The following OXR1 variants were observed in gnomAD, a reference collection of about 807,000 sequenced individuals.
OXR1 encodes oxidation resistance 1, also known as oxidation resistance protein 1.
In OXR1, 41 loss-of-function variants were observed where a neutral mutation model predicts 104.6. The observed-to-expected ratio is 0.39, with a 90% CI of 0.31 to 0.51. The LOEUF is 0.51. OXR1 is among the 20% of genes least tolerant of loss of function. OXR1 has a pLI of 0.77. For synonymous variants in OXR1, 348 were observed against 348.4 expected, an observed-to-expected ratio of 1.00 and a Z score of 0.01; for missense variants, 955 against 1,031.9, an observed-to-expected ratio of 0.93 and a Z score of 1.02.
chr8:106,295,868 C>A (rs115983747), intron 1 of OXR1, among the ~76,000 whole-genome samples: 53 of 152,258 alleles, frequency 3.5e-4, no homozygotes, highest in African/African-American at 1.2e-3. Context: ...TTCTTTGTTG[C>A]ACATACCTCC....
chr8:106,576,476 A>G (rs1451522100), intron 3 of OXR1, among the ~76,000 whole-genome samples: 9 of 150,036 alleles, frequency 6.0e-5, no homozygotes, highest in Admixed American at 2.0e-4. Flanking sequence ...CAAAAAAAAA[A>G]AAAAAAAAAG....
chr8:106,657,826 G>T (rs866525979), intron 3 of OXR1: 1 of 1,235,326 alleles, frequency 8.1e-7, no homozygotes. Context: ...TCCCCGGGCA[G>T]AGAGAGGGAC....
At chr8:106,507,690 G>T (rs375403141) in intron 2 of OXR1, among the ~76,000 whole-genome samples, 1 of 152,198 alleles carries the variant, frequency 6.6e-6, no homozygotes, top group Non-Finnish European at 1.5e-5. Flanking sequence ...AAGTGTTTGC[G>T]CTGGGTGAAT....
chr8:106,500,386 G>A (rs188343557), intron 2 of OXR1, among the ~76,000 whole-genome samples: 8 of 152,280 alleles, frequency 5.3e-5, no homozygotes, highest in East Asian at 1.9e-4. Context: ...TCCAGACATC[G>A]TATAGAAGAA....
chr8:106,577,367 T>G (rs1329032629), intron 3 of OXR1, among the ~76,000 whole-genome samples: 1 of 138,666 alleles, frequency 7.2e-6, no homozygotes, highest in African/African-American at 2.7e-5. Flanking sequence ...CCCGCCACTA[T>G]GCCCAGCTAA....
chr8:106,587,186 G>A (rs1172676704), intron 3 of OXR1, among the ~76,000 whole-genome samples: 3 of 152,158 alleles, frequency 2.0e-5, no homozygotes, highest in Admixed American at 2.0e-4. Flanking sequence ...TTAGCTTAAA[G>A]TAGAAGCATC....
intron 2 of OXR1, among the ~76,000 whole-genome samples, chr8:106,510,253 A>C (rs1812436348): frequency 6.6e-6 from 1 of 152,140 alleles, no homozygotes; most frequent in African/African-American, 2.4e-5. Flanking sequence ...TCATTCATTC[A>C]ACAATTTATT....
chr8:106,528,143 C>G (rs1813831139), intron 3 of OXR1, among the ~76,000 whole-genome samples: 1 of 151,992 alleles, frequency 6.6e-6, no homozygotes, highest in Non-Finnish European at 1.5e-5. Context: ...TTTCTTCCAC[C>G]CTGTTTCCTC....
At chr8:106,425,914 C>A (rs1336314682) in intron 2 of OXR1, among the ~76,000 whole-genome samples, 1 of 152,116 alleles carries the variant, frequency 6.6e-6, no homozygotes, top group African/African-American at 2.4e-5. Context: ...GAGGAAAGAG[C>A]AAGTGCAAAC....
intron 1 of OXR1, among the ~76,000 whole-genome samples, chr8:106,310,842 T>G (rs1378545611): frequency 6.6e-6 from 1 of 152,192 alleles, no homozygotes; most frequent in Non-Finnish European, 1.5e-5. Flanking sequence ...ATTGAAGCTT[T>G]TAGGGATTTC....
At chr8:106,662,197 T>C (rs755215187) in intron 3 of OXR1, among the ~76,000 whole-genome samples, 5 of 152,198 alleles carry the variant, frequency 3.3e-5, no homozygotes, top group Non-Finnish European at 4.4e-5. Context: ...CAAATTGTTG[T>C]ACTAGGCACC....
At chr8:106,316,619 T>C (rs1813949360) in intron 1 of OXR1, among the ~76,000 whole-genome samples, 2 of 152,284 alleles carry the variant, frequency 1.3e-5, no homozygotes, top group African/African-American at 2.4e-5. Flanking sequence ...TGAACTTTTT[T>C]CTTTAAAACT....
intron 11 of OXR1, among the ~76,000 whole-genome samples, chr8:106,723,713 G>A (rs1458760227): frequency 2.0e-5 from 3 of 151,948 alleles, no homozygotes; most frequent in Non-Finnish European, 4.4e-5. Context: ...AATATAGACT[G>A]TCAGAAGAGG....
chr8:106,356,673 T>C (rs1280726453), intron 1 of OXR1, among the ~76,000 whole-genome samples: 23 of 151,958 alleles, frequency 1.5e-4, no homozygotes, highest in Admixed American at 1.5e-3. Context: ...TATTTATGCA[T>C]ATGTTTGTAT....
chr8:106,657,575 A>AGGGGCTGGGCGGGCC (rs1825228641), intron 3 of OXR1: 1 of 122,316 alleles, frequency 8.2e-6, no homozygotes, highest in Non-Finnish European at 1.7e-5. Flanking sequence ...CGGGGCGGGG[A>AGGGGCTGGGCGGGCC]GGGGCTGGGC....
At chr8:106,709,596 T>G (rs945536897) in intron 9 of OXR1, among the ~76,000 whole-genome samples, 2 of 151,376 alleles carry the variant, frequency 1.3e-5, no homozygotes, top group African/African-American at 2.4e-5. Flanking sequence ...GTTGTGGGGG[T>G]TGGGGGTTTA....
intron 3 of OXR1, chr8:106,580,983 G>T (rs906010885): frequency 9.8e-7 from 1 of 1,019,584 alleles, no homozygotes. Flanking sequence ...CATTCTTGTG[G>T]CTACCACTGT....
chr8:106,374,816 G>T (rs956367105), intron 2 of OXR1, among the ~76,000 whole-genome samples: 1 of 152,160 alleles, frequency 6.6e-6, no homozygotes, highest in Non-Finnish European at 1.5e-5. Context: ...ATAGCAGAAG[G>T]CTGAGGTTCT....
At chr8:106,403,883 A>G (rs962867096) in intron 2 of OXR1, among the ~76,000 whole-genome samples, 2 of 152,214 alleles carry the variant, frequency 1.3e-5, no homozygotes, top group Admixed American at 6.5e-5. Flanking sequence ...ACAGCTCTTC[A>G]TGGGTCACAC....
Sources: allele counts gnomAD v4.1 joint callset (sites outside exome capture counted in the v4.1 genomes callset), GRCh38; gene constraint gnomAD v4.1.1; transcripts MANE v1.5; gene names NCBI Gene and HGNC (gene_info 2026-07-23, HGNC 2026-07-21).